TBC1D16: variants seen among roughly 807,000 people sequenced by gnomAD.
TBC1D16 encodes CTD-2529O21.1.
A neutral mutation model predicts 74.7 loss-of-function variants in TBC1D16; 58 were observed. The ratio of observed to expected loss-of-function variants is 0.78; its 90% CI spans 0.63 to 0.97. The LOEUF (loss-of-function observed/expected upper bound fraction) is 0.97. Ranked by LOEUF, TBC1D16 falls within the 50% of genes least tolerant of loss-of-function variation. The pLI, the probability that TBC1D16 is intolerant of heterozygous loss-of-function variation, is 0.00. For missense variants in TBC1D16, 1,014 were observed against 1,079.5 expected (o/e 0.94, Z 0.85); for synonymous variants, 493 against 474.7 (o/e 1.04, Z -0.50).
chr17:79,998,392 A>G (rs1271838029), intron 3 of TBC1D16, among the ~76,000 whole-genome samples: 3 of 151,604 alleles, frequency 2.0e-5, no homozygotes, highest in South Asian at 2.1e-4. Context: ...CAGTGGTGCA[A>G]TCTAAGCTCA....
intron 2 of TBC1D16, among the ~76,000 whole-genome samples, chr17:80,012,219 G>A (rs1368711928): frequency 6.6e-6 from 1 of 152,192 alleles, no homozygotes; most frequent in Non-Finnish European, 1.5e-5. Context: ...GATAACATGA[G>A]CCTGAGGCTG....
chr17:79,933,205 T>G lies in TBC1D16; in HGVS notation c.*7654A>C, dbSNP rs1372191505. 6.6e-6 allele frequency: 1 copy of G among 152,080 alleles called. No homozygotes were observed. The highest frequency in any genetic ancestry group is 1.9e-4 in the East Asian group (1 of 5,180). 9.4% of individuals were successfully genotyped at this position (152,080 alleles called of 1,614,324 possible). On this transcript the variant is annotated 3_prime_UTR_variant, in exon 12 of 12. Coordinates refer to ENST00000310924, the MANE Select transcript of TBC1D16 (RefSeq NM_019020.4). The stretch of plus-strand genomic sequence containing the variant: ...GAGGGCATGGAAGTGGCCACAGGTC[T>G]GGACTTCTCTGGGTGGATGTGAGGG...
At chr17:80,024,011 GAAGGT>G (rs1275847403) in intron 1 of TBC1D16, 1 of 150,402 alleles carries the variant, frequency 6.6e-6, no homozygotes, top group Non-Finnish European at 1.5e-5. Context: ...ACCAAGCGCA[GAAGGT>G]AAGGACGCAG....
At chr17:79,943,425 G>A (rs1204815349) in intron 10 of TBC1D16, among the ~76,000 whole-genome samples, 3 of 152,172 alleles carry the variant, frequency 2.0e-5, no homozygotes, top group Non-Finnish European at 2.9e-5. Context: ...GCGTAGGGCC[G>A]TCCAGCCCCA....
Position 80,001,668 on chromosome 17 carries a change from A to C in TBC1D16, c.779+8492T>G, listed in dbSNP as rs771924205. Reference sequence around the variant, plus strand: ...ATCCCACCTCCGAGGTCTCTCTGGGACCCAGTTGTCCCTCCCCTGGGTGGC... The same window carrying C: ...ATCCCACCTCCGAGGTCTCTCTGGGCCCCAGTTGTCCCTCCCCTGGGTGGC... On this transcript the variant is annotated intron_variant, in intron 3 of 11. Coordinates refer to ENST00000310924, the MANE Select transcript of TBC1D16 (RefSeq NM_019020.4). This position sits in a 1 kb window ranked among gnomAD's most constrained non-coding sequence, Gnocchi z 5.8. Among the ~76,000 whole-genome samples the C allele has an allele frequency of 4.6e-5, 7 of 151,880 alleles. No individual in the cohort carries two copies. The highest frequency in any genetic ancestry group is 1.0e-4 in the Non-Finnish European group (7 of 67,944).
In TBC1D16 at chr17:79,971,149, A is replaced by G. The variant is rs143879191; in HGVS notation, c.780-18331T>C. 0.015 allele frequency among the ~76,000 whole-genome samples: 2,295 copies of G among 151,660 alleles called. 25 individuals carry two copies. The highest frequency in any genetic ancestry group is 0.024 in the Non-Finnish European group (1,651 of 67,928). On this transcript the variant is annotated intron_variant, in intron 3 of 11. Transcript: ENST00000310924. This position sits in a 1 kb window ranked among gnomAD's most constrained non-coding sequence, Gnocchi z 4.6. The stretch of plus-strand genomic sequence containing the variant: ...GGCATTCTCCTGCCTCAGCCTCCTG[A>G]GTAGCTGGGATTACAGGCGTGCACC...
Position 79,950,503 on chromosome 17 carries a change from C to T in TBC1D16, c.1165G>A (p.Glu389Lys), listed in dbSNP as rs760396463. Reference sequence around the variant, plus strand: ...CCGAGCCTCTTGTACATGCTCTCCTCGGGGTGCGTCTCGGAGGACGGCAGC... The same window carrying T: ...CCGAGCCTCTTGTACATGCTCTCCTTGGGGTGCGTCTCGGAGGACGGCAGC... ...PKLPSSETHPEESMYKRLGVS... is the reference protein window; with the variant it reads ...PKLPSSETHPKESMYKRLGVS... Residue 389 changes from glutamate to lysine, a missense_variant, in exon 6 of 12, where the codon GAG (glutamate) becomes AAG (lysine). Physicochemically the swap from Glu to Lys is moderately conservative, Grantham distance 56 (BLOSUM62 1). Transcript: ENST00000310924. This position sits in a 1 kb window ranked among gnomAD's most constrained non-coding sequence, Gnocchi z 4.6. 6 of 1,613,166 alleles carry T rather than the reference C, an allele frequency of 3.7e-6. No individual in the cohort carries two copies. Among genetic ancestry groups the T allele is most frequent in the African/African-American group, 2.7e-5 (2 of 74,884 alleles).
intron 3 of TBC1D16, among the ~76,000 whole-genome samples, chr17:79,982,601 C>A (rs913461174): frequency 6.6e-6 from 1 of 151,546 alleles, no homozygotes; most frequent in Non-Finnish European, 1.5e-5. Flanking sequence ...GCCTGTAATC[C>A]CAGCACTTTG....
chr17:79,947,427 C>G (rs954067755), intron 9 of TBC1D16, among the ~76,000 whole-genome samples: 14 of 152,164 alleles, frequency 9.2e-5, no homozygotes, highest in African/African-American at 3.1e-4. Context: ...GCCCACACAA[C>G]GCGGCCTCTG....
chr17:79,946,419 TCAC>T (rs1220496539), intron 9 of TBC1D16, among the ~76,000 whole-genome samples: 1 of 152,196 alleles, frequency 6.6e-6, no homozygotes, highest in Admixed American at 6.5e-5. Flanking sequence ...CGTCCACCGC[TCAC>T]CTCCTGCGGT....
At chr17:80,013,097 G>A (rs981838936) in intron 2 of TBC1D16, among the ~76,000 whole-genome samples, 2 of 152,272 alleles carry the variant, frequency 1.3e-5, no homozygotes, top group Non-Finnish European at 1.5e-5. Flanking sequence ...TCACACGAAT[G>A]ACAAGGGGCC....
intron 3 of TBC1D16, among the ~76,000 whole-genome samples, chr17:79,963,003 T>A (rs936377697): frequency 6.7e-6 from 1 of 149,740 alleles, no homozygotes; most frequent in Non-Finnish European, 1.5e-5. Context: ...TGAGCCGAGA[T>A]CGCGCCATTG....
rs948385487 is a variant in TBC1D16, at chr17:79,971,967, C to T, written c.780-19149G>A. ...AGGACAGGTCGGAGTGCTCTGAAAA[C>T]GGCCCTGGCATTGATTTTTAAAAAG... On this transcript the variant is annotated intron_variant, in intron 3 of 11. Coordinates refer to ENST00000310924, the MANE Select transcript of TBC1D16 (RefSeq NM_019020.4). This position sits in a 1 kb window ranked among gnomAD's most constrained non-coding sequence, Gnocchi z 4.6. 1.3e-5 allele frequency among the ~76,000 whole-genome samples: 2 copies of T among 152,044 alleles called. No individual in the cohort carries two copies. Among genetic ancestry groups the T allele is most frequent in the African/African-American group, 2.4e-5 (1 of 41,388 alleles).
At chr17:80,013,066 C>T (rs764549655) in intron 2 of TBC1D16, among the ~76,000 whole-genome samples, 13 of 152,232 alleles carry the variant, frequency 8.5e-5, no homozygotes, top group African/African-American at 1.2e-4. Flanking sequence ...CAAAGCAATG[C>T]ATTTATTTGT....
chr17:79,992,994 G>C (rs1413141076), intron 3 of TBC1D16, among the ~76,000 whole-genome samples: 2 of 152,242 alleles, frequency 1.3e-5, no homozygotes, highest in South Asian at 4.1e-4. Context: ...AGACGGTACA[G>C]TACCAGGCCA....
chr17:79,984,619 G>GAGAAGGAAGGAAGGAAGGAAGGAA (rs1491290219), intron 3 of TBC1D16, among the ~76,000 whole-genome samples: 3 of 102,506 alleles, frequency 2.9e-5, no homozygotes, highest in African/African-American at 4.1e-5. Flanking sequence ...GAGGGAGGGA[G>GAGAAGGAAGGAAGGAAGGAAGGAA]TGAAGGAAGG....
In TBC1D16 at chr17:80,035,173, T is replaced by C. The variant is rs550768724; in HGVS notation, c.-63+622A>G. ...TTCCGGCAGGATCCCCTAGGTTATG[T>C]TTAGCAATCTTCAGTTGCCTTTCCT... On this transcript the variant is annotated intron_variant, in intron 1 of 11. Transcript: ENST00000310924. The surrounding 1 kb of genome is among the most constrained non-coding windows in gnomAD (Gnocchi z 5.3). Among the ~76,000 whole-genome samples, 45 of 152,318 alleles carry C rather than the reference T, an allele frequency of 3.0e-4. No individual in the cohort carries two copies. Among genetic ancestry groups the C allele is most frequent in the African/African-American group, 1.0e-3 (43 of 41,586 alleles).
chr17:79,963,312 C>A (rs2033703293), intron 3 of TBC1D16, among the ~76,000 whole-genome samples: 1 of 152,052 alleles, frequency 6.6e-6, no homozygotes, highest in Non-Finnish European at 1.5e-5. Context: ...TCTGACTACT[C>A]CTAGCACCTA....
chr17:80,002,757 T>C (rs956774110), intron 3 of TBC1D16, among the ~76,000 whole-genome samples: 4 of 152,218 alleles, frequency 2.6e-5, no homozygotes, highest in African/African-American at 9.6e-5. Context: ...AAAGTCCAGT[T>C]GCTTGGCCAC....
Sources: allele counts gnomAD v4.1 joint callset (sites outside exome capture counted in the v4.1 genomes callset), GRCh38; gene constraint gnomAD v4.1.1; non-coding constraint Gnocchi (gnomAD v3.1); transcripts MANE v1.5; gene names NCBI Gene and HGNC (gene_info 2026-07-23, HGNC 2026-07-21).